SLC28A1: variants seen among roughly 807,000 people sequenced by gnomAD.
SLC28A1 encodes the protein sodium/nucleoside cotransporter 1.
In SLC28A1, 64 loss-of-function variants were observed where a neutral mutation model predicts 74.8. That is an observed-to-expected ratio of 0.86 (90% confidence interval 0.70 to 1.05). SLC28A1 has a LOEUF of 1.05. SLC28A1 is among the 50% of genes least tolerant of loss of function. The probability of loss-of-function intolerance (pLI) is 0.00; values close to 1 mark genes in which losing one functional copy is unlikely to be tolerated. For missense variants in SLC28A1, 828 were observed against 822.8 expected, an observed-to-expected ratio of 1.01 and a Z score of -0.08; for synonymous variants, 359 against 335.0, an observed-to-expected ratio of 1.07 and a Z score of -0.78.
intron 6 of SLC28A1, among the ~76,000 whole-genome samples, chr15:84,902,441 C>G (rs989183026): frequency 6.6e-6 from 1 of 150,852 alleles, no homozygotes; most frequent in East Asian, 2.0e-4. Flanking sequence ...GATCGTGCCA[C>G]TGCACTGCAG....
chr15:84,917,038 A>T lies in SLC28A1; in HGVS notation c.796-1486A>T, dbSNP rs998933018. On this transcript the variant is annotated intron_variant, in intron 9 of 18. Transcript: ENST00000394573. Reference sequence around the variant, plus strand: ...GTGAGATTCTGTCTCAAAAAAAAAAAAATAAATAAAAAAGGTAGGAACAGA... The same window carrying T: ...GTGAGATTCTGTCTCAAAAAAAAAATAATAAATAAAAAAGGTAGGAACAGA... 8.3e-4 allele frequency among the ~76,000 whole-genome samples: 50 copies of T among 60,478 alleles called. 4 individuals are homozygous for T. The highest frequency in any genetic ancestry group is 4.3e-3 in the Admixed American group (19 of 4,410). The allele number at this position is 60,478 out of a possible 152,430, so 39.7% of individuals were successfully genotyped here. A position where few individuals can be genotyped will look rare whatever the true frequency, so the allele number is the denominator to read the frequency against.
intron 6 of SLC28A1, chr15:84,895,492 G>T (rs372437722): frequency 1.1e-5 from 18 of 1,600,728 alleles, no homozygotes; most frequent in Non-Finnish European, 1.4e-5. Context: ...CAGCAGGCTC[G>T]ATCGGGGTCC....
At chr15:84,891,111 G>A (rs533564231) in intron 5 of SLC28A1, among the ~76,000 whole-genome samples, 1 of 152,260 alleles carries the variant, frequency 6.6e-6, no homozygotes, top group Admixed American at 6.5e-5. Context: ...TACCCTCAAG[G>A]CCAGAGAGAG....
chr15:84,912,761 A>T (rs7162722), intron 9 of SLC28A1, among the ~76,000 whole-genome samples: 31,306 of 149,862 alleles, frequency 0.21, 3,578 homozygotes, highest in South Asian at 0.47. Flanking sequence ...TCTGATATAG[A>T]CTCTGCAGTC....
At chr15:84,888,502 C>A (rs886359227) in intron 3 of SLC28A1, among the ~76,000 whole-genome samples, 1 of 152,116 alleles carries the variant, frequency 6.6e-6, no homozygotes, top group Non-Finnish European at 1.5e-5. Context: ...CTCCCCTCGG[C>A]CCCTCTCAGT....
Position 84,945,243 on chromosome 15 carries a change from T to TCCCCCGGGAACCATCTGTCCC in SLC28A1, c.*45_*65dup. On this transcript the variant is annotated 3_prime_UTR_variant, in exon 19 of 19. Coordinates refer to ENST00000394573, the MANE Select transcript of SLC28A1 (RefSeq NM_004213.5). Reference sequence around the variant, plus strand: ...GCTTCTGCGCTTCTGAGGGCTGTTCTCCCCCGGGAACCATCTGTCCCCACC... The same window carrying TCCCCCGGGAACCATCTGTCCC: ...GCTTCTGCGCTTCTGAGGGCTGTTCTCCCCCGGGAACCATCTGTCCCCCCCCGGGAACCATCTGTCCCCACC... 1 of 1,576,748 alleles carries TCCCCCGGGAACCATCTGTCCC rather than the reference T, an allele frequency of 6.3e-7. No homozygotes were observed. The highest frequency in any genetic ancestry group is 8.7e-7 in the Non-Finnish European group (1 of 1,146,286).
intron 8 of SLC28A1, among the ~76,000 whole-genome samples, chr15:84,907,851 A>G (rs1026932449): frequency 6.6e-6 from 1 of 152,158 alleles, no homozygotes; most frequent in Non-Finnish European, 1.5e-5. Context: ...CAGTAACTGT[A>G]CAGGGTGTGG....
At chr15:84,911,784 G>C (rs760481613) in intron 9 of SLC28A1, among the ~76,000 whole-genome samples, 4 of 150,492 alleles carry the variant, frequency 2.7e-5, no homozygotes, top group Non-Finnish European at 5.9e-5. Flanking sequence ...ACTTGAACCT[G>C]GGAGACGGAG....
chr15:84,932,520 C>G (rs1461802062), intron 12 of SLC28A1, among the ~76,000 whole-genome samples: 1 of 152,160 alleles, frequency 6.6e-6, no homozygotes, highest in East Asian at 1.9e-4. Context: ...AGTTCTCAAA[C>G]TGCAGGACTG....
chr15:84,936,790 T>C, intron 15 of SLC28A1, among the ~76,000 whole-genome samples: 1 of 152,166 alleles, frequency 6.6e-6, no homozygotes, highest in East Asian at 1.9e-4. Context: ...CAATGGCTCA[T>C]GCCTGTATTC....
In SLC28A1 at chr15:84,924,113, AG is replaced by A. The variant is rs754776046; in HGVS notation, c.1083+5del. The A allele has an allele frequency of 6.2e-7, 1 of 1,612,290 alleles. No homozygotes were observed. The highest frequency in any genetic ancestry group is 2.2e-5 in the East Asian group (1 of 44,798). Reference sequence around the variant, plus strand: ...TGGGTGCCTACATCTCCTTTGGGGTAGGTAGAGCCCTCCTTCTGCTTGGCTA... The same window carrying A: ...TGGGTGCCTACATCTCCTTTGGGGTAGTAGAGCCCTCCTTCTGCTTGGCTA... On this transcript the variant is annotated splice_donor_region_variant and intron_variant, in intron 12 of 18. Coordinates refer to ENST00000394573, the MANE Select transcript of SLC28A1 (RefSeq NM_004213.5).
chr15:84,889,758 TTCCTTC>T (rs766143412), intron 4 of SLC28A1, among the ~76,000 whole-genome samples: 5,147 of 47,784 alleles, frequency 0.11, 268 homozygotes, highest in Non-Finnish European at 0.17. Context: ...CCTTCCTTCC[TTCCTTC>T]CTTTTCTTTC....
At chr15:84,937,021 C>T (rs561772576) in intron 15 of SLC28A1, among the ~76,000 whole-genome samples, 2 of 150,158 alleles carry the variant, frequency 1.3e-5, no homozygotes, top group East Asian at 3.9e-4. Context: ...TCACTGCACT[C>T]CAGCCTGGGC....
intron 6 of SLC28A1, among the ~76,000 whole-genome samples, chr15:84,900,351 A>C (rs1452312208): frequency 1.3e-5 from 2 of 150,372 alleles, no homozygotes; most frequent in African/African-American, 4.9e-5. Flanking sequence ...AAAAAGGAAG[A>C]AAGAAATGCC....
intron 9 of SLC28A1, among the ~76,000 whole-genome samples, chr15:84,910,447 A>G (rs1047598711): frequency 6.6e-6 from 1 of 152,070 alleles, no homozygotes; most frequent in African/African-American, 2.4e-5. Context: ...ACACACACTC[A>G]GCTGGGCGCG....
chr15:84,942,120 C>T (rs1283860704), intron 15 of SLC28A1, among the ~76,000 whole-genome samples: 1 of 151,968 alleles, frequency 6.6e-6, no homozygotes, highest in East Asian at 1.9e-4. Context: ...AGGGGAGGCT[C>T]TATACCAATT....
At chr15:84,940,120 G>A (rs1337902937) in intron 15 of SLC28A1, among the ~76,000 whole-genome samples, 5 of 152,148 alleles carry the variant, frequency 3.3e-5, no homozygotes, top group Admixed American at 6.6e-5. Flanking sequence ...GAGCCACCAC[G>A]CCCGGCTCCA....
At chr15:84,920,703 G>GTGTGTGTGTGTGTGTGT (rs113735505) in intron 10 of SLC28A1, among the ~76,000 whole-genome samples, 1,461 of 137,364 alleles carry the variant, frequency 0.011, 29 homozygotes, top group African/African-American at 0.026. Context: ...ATCTCCAAGG[G>GTGTGTGTGTGTGTGTGT]GTGTGTGTGT....
At chr15:84,967,900 C>G in the SLC28A1 span, among the ~76,000 whole-genome samples, 6 of 152,106 alleles carry the variant, frequency 3.9e-5, no homozygotes, top group Non-Finnish European at 7.4e-5. Context: ...GGGTTAGGGA[C>G]AGACGCACTA....
Sources: allele counts gnomAD v4.1 joint callset (sites outside exome capture counted in the v4.1 genomes callset), GRCh38; gene constraint gnomAD v4.1.1; transcripts MANE v1.5; gene names NCBI Gene and HGNC (gene_info 2026-07-23, HGNC 2026-07-21).